Variants in SLC23A1 observed in about 807,000 individuals in gnomAD.
SLC23A1 encodes Na(+)/L-ascorbic acid transporter 1.
SLC23A1 carries 31 observed loss-of-function variants against 62.5 expected under a neutral mutation model. That is an observed-to-expected ratio of 0.50 (90% CI 0.37 to 0.67). The LOEUF (loss-of-function observed/expected upper bound fraction) is 0.67. Among genes scored for constraint, SLC23A1 ranks in the 30% least tolerant of loss-of-function variants. The pLI is 0.00. For missense variants in SLC23A1, 640 were observed against 782.7 expected, an observed-to-expected ratio of 0.82 and a Z score of 2.18; for synonymous variants, 271 against 313.2, an observed-to-expected ratio of 0.87 and a Z score of 1.42.
chr5:139,378,124 G>A lies in SLC23A1; in HGVS notation c.1310-6C>T. The A allele has an allele frequency of 6.2e-7, 1 of 1,614,202 alleles. No individual in the cohort carries two copies. The highest frequency in any genetic ancestry group is 8.5e-7 in the Non-Finnish European group (1 of 1,180,024). ...CCCCACAGCTGTAATCATGCCTAAGGGCGCAAGAGAACGGCTGGAGGCGCC... is the reference window on the plus strand; with the variant it reads ...CCCCACAGCTGTAATCATGCCTAAGAGCGCAAGAGAACGGCTGGAGGCGCC... On this transcript the variant is annotated splice_region_variant and splice_polypyrimidine_tract_variant and intron_variant, in intron 11 of 14. Transcript: ENST00000348729. The surrounding 1 kb of genome is among the most constrained non-coding windows in gnomAD (Gnocchi z 4.5).
At position 139,380,039 on chromosome 5, in the gene SLC23A1, G is replaced by A. The variant is rs746889166; in HGVS notation, c.685C>T (p.Arg229Cys). 38 of 1,613,770 alleles carry A rather than the reference G, an allele frequency of 2.4e-5. No homozygotes were observed. The highest frequency in any genetic ancestry group is 6.7e-5 in the Admixed American group (4 of 59,932). The change falls in exon 7 of 15, where the codon CGC (arginine) becomes TGC (cysteine). Residue 229 changes from arginine to cysteine, a missense_variant. Arg to Cys is a radical substitution (Grantham distance 180). Coordinates refer to ENST00000348729, the MANE Select transcript of SLC23A1 (RefSeq NM_005847.5). ...LLIILFSQYL[R>C]NLTFLLPVYR... ...ACAGGCAGCAGGAAGGTGAGGTTGC[G>A]CAGGTACTGGGAGAAGAGGATGATC... is the stretch of plus-strand genomic sequence containing the variant.
rs776326087 is a variant in SLC23A1 at position 139,372,260 on chromosome 5, G to T, written c.1550-7C>A. 1 of 1,607,638 alleles carries T rather than the reference G, an allele frequency of 6.2e-7. No individual in the cohort carries two copies. ...CCACGCTCCTCTGGGCTCCCTGGAA[G>T]AGGATAGTGAGGTCATTTACCAAGG... On this transcript the variant is annotated splice_polypyrimidine_tract_variant and splice_region_variant and intron_variant, in intron 13 of 14. Transcript: ENST00000348729.
At chr5:139,368,688 G>A (rs1253839615) in intron 14 of SLC23A1, 1 of 1,327,136 alleles carries the variant, frequency 7.5e-7, no homozygotes, top group South Asian at 1.2e-5. Flanking sequence ...ATTAGTACCT[G>A]AAACTGTGTT....
rs2152070869 is a variant in SLC23A1, at chr5:139,379,832, G to A, written c.771C>T (p.Ile257=). The change falls in exon 8 of 15, where the codon ATC becomes ATT. Residue 257 remains isoleucine, a splice_region_variant and synonymous_variant. Transcript: ENST00000348729. The surrounding 1 kb of genome is among the most constrained non-coding windows in gnomAD (Gnocchi z 4.7). ...GCCACACGGTCATGATGGCCAGCAT[G>A]ATCTGAAGGAGGGGGGTGAGGGGGC... ...LRIQIFKMFP[I]MLAIMTVWLL... is the part of the protein sequence containing the mutation. 6.2e-7 allele frequency: 1 copy of A among 1,614,158 alleles called. No homozygotes were observed. The highest frequency in any genetic ancestry group is 8.5e-7 in the Non-Finnish European group (1 of 1,180,006).
rs552504545 is a variant in SLC23A1, at chr5:139,379,648, G to A, written c.925+30C>T. The stretch of plus-strand genomic sequence containing the variant: ...CTGTCTCATAGGTGGTCTCAGTTGG[G>A]GGCAGAGGGGCCCAAGGGGTGTTGC... On this transcript the variant is annotated intron_variant, in intron 8 of 14. Coordinates refer to ENST00000348729, the MANE Select transcript of SLC23A1 (RefSeq NM_005847.5). The surrounding 1 kb of genome is among the most constrained non-coding windows in gnomAD (Gnocchi z 4.7). 1.9e-6 allele frequency: 3 copies of A among 1,583,700 alleles called. No homozygotes were observed. Among genetic ancestry groups the A allele is most frequent in the Admixed American group, 3.6e-5 (2 of 55,618 alleles).
upstream of SLC23A1, chr5:139,384,558 C>T: frequency 7.8e-7 from 1 of 1,287,660 alleles, no homozygotes; most frequent in South Asian, 1.2e-5. Context: ...CAGTTTGAAG[C>T]CTCTGCAACT....
chr5:139,379,335 C>T lies in SLC23A1; in HGVS notation c.945G>A (p.Thr315=), dbSNP rs779567196. Residue 315 remains threonine (T), a synonymous_variant, in exon 9 of 15, where the codon ACG becomes ACA. Transcript: ENST00000348729. This position sits in a 1 kb window ranked among gnomAD's most constrained non-coding sequence, Gnocchi z 4.7. ...TTCCCAGGACAGCAGCCGCAGTCAC[C>T]GTGGGCAGGCCCCACTGACCTGTGC... is the stretch of plus-strand genomic sequence containing the variant. The part of the protein sequence containing the change: ...IPYPCQWGLP[T]VTAAAVLGMF... The T allele has an allele frequency of 2.3e-5, 37 of 1,614,044 alleles. No individual in the cohort carries two copies. Among genetic ancestry groups the T allele is most frequent in the Middle Eastern group, 1.6e-4 (1 of 6,084 alleles).
At chr5:139,383,056 C>A (rs1337020405) in intron 1 of SLC23A1, among the ~76,000 whole-genome samples, 162 bp downstream of exon 1, 2 of 152,170 alleles carry the variant, frequency 1.3e-5, no homozygotes, top group African/African-American at 2.4e-5. Flanking sequence ...CCTTCACCCC[C>A]ACCTCCACCC....
rs779289189 is a variant in SLC23A1, at chr5:139,379,573, G to T, written c.925+105C>A. On this transcript the variant is annotated intron_variant, in intron 8 of 14. Transcript: ENST00000348729. The surrounding 1 kb of genome is among the most constrained non-coding windows in gnomAD (Gnocchi z 4.7). The stretch of plus-strand genomic sequence containing the variant: ...CCACTCTGCTGGGCGCACTATAAAT[G>T]TGCGGCTAATGCTAGGTGTGTCACC... 2 of 1,189,144 alleles carry T rather than the reference G, an allele frequency of 1.7e-6. No individual in the cohort carries two copies. Among genetic ancestry groups the T allele is most frequent in the South Asian group, 1.3e-5 (1 of 77,306 alleles). The allele number at this position is 1,189,144 out of a possible 1,614,324, so 73.7% of individuals were successfully genotyped here.
At chr5:139,370,000 T>A (rs572043683) in intron 14 of SLC23A1, among the ~76,000 whole-genome samples, 1 of 152,338 alleles carries the variant, frequency 6.6e-6, no homozygotes, top group Admixed American at 6.5e-5. Flanking sequence ...ATGGTGACCT[T>A]ACTCTAATAG....
In SLC23A1 at chr5:139,378,180, G is replaced by A. The variant is rs2088404126; in HGVS notation, c.1309+42C>T. 6.2e-7 allele frequency: 1 copy of A among 1,612,990 alleles called. No homozygotes were observed. Among genetic ancestry groups the A allele is most frequent in the African/African-American group, 1.3e-5 (1 of 75,034 alleles). On this transcript the variant is annotated intron_variant, in intron 11 of 14. Transcript: ENST00000348729. This position sits in a 1 kb window ranked among gnomAD's most constrained non-coding sequence, Gnocchi z 4.5. ...CGCGTAATCCAGGTGAGTCCCACTC[G>A]GCGACCCGCACCGCGACCCGTGGCC...
At chr5:139,382,948 A>C (rs1758350591) in intron 1 of SLC23A1, among the ~76,000 whole-genome samples, 1 of 152,090 alleles carries the variant, frequency 6.6e-6, no homozygotes, top group Non-Finnish European at 1.5e-5. Context: ...ATCCGGTCCC[A>C]CCTCTGCCCC....
chr5:139,376,371 T>C (rs1460591624), intron 13 of SLC23A1, among the ~76,000 whole-genome samples: 2 of 152,076 alleles, frequency 1.3e-5, no homozygotes, highest in Non-Finnish European at 2.9e-5. Context: ...GGTTTCACCA[T>C]GTTGGCCAGG....
At position 139,374,416 on chromosome 5, in the gene SLC23A1, G is replaced by A. The variant is rs191982274; in HGVS notation, c.1550-2163C>T. Among the ~76,000 whole-genome samples, 82 of 152,246 alleles carry A rather than the reference G, an allele frequency of 5.4e-4. 1 individual carries two copies. Among genetic ancestry groups the A allele is most frequent in the Non-Finnish European group, 3.7e-4 (25 of 68,030 alleles). On this transcript the variant is annotated intron_variant, in intron 13 of 14. Coordinates refer to ENST00000348729, the MANE Select transcript of SLC23A1 (RefSeq NM_005847.5). ...TGCGCCACTGCACTCCAGCCTGGGC[G>A]ACAGAGCGAGACTCCGTCTCAAAAA...
In SLC23A1 at chr5:139,380,641, A is replaced by G. The variant is rs1561980589; in HGVS notation, c.398-9T>C. On this transcript the variant is annotated splice_polypyrimidine_tract_variant and intron_variant, in intron 4 of 14. Coordinates refer to ENST00000348729, the MANE Select transcript of SLC23A1 (RefSeq NM_005847.5). ...GTTACCGTAGATCTCCTCTGGGGGT[A>G]GAGTCAGGGATACACACACGGACCA... The G allele has an allele frequency of 6.2e-7, 1 of 1,605,874 alleles. No individual in the cohort carries two copies. Among genetic ancestry groups the G allele is most frequent in the Admixed American group, 1.7e-5 (1 of 60,010 alleles).
intron 13 of SLC23A1, among the ~76,000 whole-genome samples, chr5:139,373,032 C>T (rs1038042990): frequency 1.1e-4 from 16 of 152,158 alleles, no homozygotes; most frequent in South Asian, 2.1e-4. Context: ...TTTTGAAACA[C>T]TATAATCAGT....
Position 139,378,985 on chromosome 5 carries a change from A to G in SLC23A1, c.1073+222T>C, listed in dbSNP as rs1758092934. Among the ~76,000 whole-genome samples the G allele has an allele frequency of 6.6e-6, 1 of 152,130 alleles. No homozygotes were observed. The highest frequency in any genetic ancestry group is 2.4e-5 in the African/African-American group (1 of 41,418). The stretch of plus-strand genomic sequence containing the variant: ...AGAGCCGGGCACATGGAGGGCTGTC[A>G]ATGACGGTGGTTCCCTTTGGACTCC... On this transcript the variant is annotated intron_variant, in intron 9 of 14. Coordinates refer to ENST00000348729, the MANE Select transcript of SLC23A1 (RefSeq NM_005847.5). This position sits in a 1 kb window ranked among gnomAD's most constrained non-coding sequence, Gnocchi z 4.5.
At position 139,380,243 on chromosome 5, in the gene SLC23A1, G is replaced by T. The variant is rs375177711; in HGVS notation, c.612C>A (p.Gly204=). 1.3e-6 allele frequency: 2 copies of T among 1,566,896 alleles called. No individual in the cohort carries two copies. The highest frequency in any genetic ancestry group is 1.7e-6 in the Non-Finnish European group (2 of 1,155,754). ...LIGLSVFQAA[G]DRAGSHWGIS... Reference sequence around the variant, plus strand: ...TGCCCCAGTGGGAGCCAGCTCGGTCGCCAGCAGCTTGGAAGACAGAAAGGC... The same window carrying T: ...TGCCCCAGTGGGAGCCAGCTCGGTCTCCAGCAGCTTGGAAGACAGAAAGGC... Residue 204 remains glycine (G), a synonymous_variant, in exon 6 of 15, where the codon GGC becomes GGA. Coordinates refer to ENST00000348729, the MANE Select transcript of SLC23A1 (RefSeq NM_005847.5).
chr5:139,377,828 G>C, intron 12 of SLC23A1, 147 bp downstream of exon 12: 1 of 732,590 alleles, frequency 1.4e-6, no homozygotes, highest in Non-Finnish European at 2.2e-6. Flanking sequence ...GTAAAGGACA[G>C]CTGTGACCCA....
Sources: allele counts gnomAD v4.1 joint callset (sites outside exome capture counted in the v4.1 genomes callset), GRCh38; gene constraint gnomAD v4.1.1; non-coding constraint Gnocchi (gnomAD v3.1); transcripts MANE v1.5; gene names NCBI Gene and HGNC (gene_info 2026-07-23, HGNC 2026-07-21).